SI: variants seen among roughly 807,000 people sequenced by gnomAD.
The protein encoded by SI is sucrase-isomaltase, intestinal.
A neutral mutation model predicts 253.3 loss-of-function variants in SI; 235 were observed. That is an observed-to-expected ratio of 0.93 (90% CI 0.83 to 1.03). SI has a LOEUF of 1.03. Among genes scored for constraint, SI ranks in the 50% least tolerant of loss-of-function variants. The probability of loss-of-function intolerance (pLI) is 0.00; values close to 1 mark genes in which losing one functional copy is unlikely to be tolerated. For synonymous variants in SI, 819 were observed against 712.0 expected, an observed-to-expected ratio of 1.15 and a Z score of -2.39; for missense variants, 2,442 against 2,211.1, an observed-to-expected ratio of 1.10 and a Z score of -2.09.
intron 37 of SI, among the ~76,000 whole-genome samples, chr3:165,004,504 C>T (rs909255771): frequency 6.6e-6 from 1 of 152,108 alleles, no homozygotes; most frequent in Non-Finnish European, 1.5e-5. Flanking sequence ...ATGTTTATTG[C>T]AGCACTGTTC....
chr3:165,032,579 C>T lies in SI; in HGVS notation c.2679G>A (p.Ala893=), dbSNP rs751964959. The T allele has an allele frequency of 2.7e-5, 43 of 1,608,914 alleles. No individual in the cohort carries two copies. Among genetic ancestry groups the T allele is most frequent in the African/African-American group, 1.6e-4 (12 of 74,536 alleles). ...LTDSVTEVRV[A]ENNQPMNAHS... ...GAGCGTTCATTGGTTGATTATTTTC[C>T]GCCACTCTAACTTCTGTAACACTGT... is the stretch of plus-strand genomic sequence containing the variant. The change falls in exon 24 of 48, where the codon GCG becomes GCA. Residue 893 remains alanine (A), a synonymous_variant. Transcript: ENST00000264382.
Position 165,017,827 on chromosome 3 carries a change from T to C in SI, c.3567A>G (p.Gly1189=). 6.2e-7 allele frequency: 1 copy of C among 1,613,086 alleles called. No individual in the cohort carries two copies. ...AAAACATATAAAAATCCAAGATCCC[T>C]CCAACTGTACGGTAAGTTAGAGCAG... The part of the protein sequence containing the change: ...PTPALTYRTV[G]GILDFYMFLG... The change falls in exon 30 of 48, where the codon GGA becomes GGG. Residue 1189 remains glycine, a synonymous_variant. Transcript: ENST00000264382.
chr3:165,044,236 T>C (rs967294289), intron 16 of SI, among the ~76,000 whole-genome samples: 1 of 152,038 alleles, frequency 6.6e-6, no homozygotes, highest in East Asian at 1.9e-4. Context: ...ACATTTTGGA[T>C]AGGGGTTACT....
At chr3:165,007,876 A>T (rs753993240) in intron 36 of SI, 35 bp downstream of exon 36, 2 of 1,001,832 alleles carry the variant, frequency 2.0e-6, no homozygotes, top group Non-Finnish European at 3.2e-6. Context: ...TAATAATAAC[A>T]TGATAATATC....
In SI at chr3:165,015,147, G is replaced by A. The variant is rs1274421969; in HGVS notation, c.3975C>T (p.Asn1325=). ...CCTTTGCCCAACAAATGTCATTGGT[G>A]TTTGGCCATTTGACAAAGACATCAT... ...QQNDVFVKWP[N]TNDICWAKVW... is the part of the protein sequence containing the mutation. The change falls in exon 33 of 48, where the codon AAC becomes AAT. Residue 1325 remains asparagine (N), a synonymous_variant. Transcript: ENST00000264382. The A allele has an allele frequency of 1.2e-6, 2 of 1,612,270 alleles. No homozygotes were observed. The highest frequency in any genetic ancestry group is 1.7e-6 in the Non-Finnish European group (2 of 1,178,620).
At chr3:165,067,047 GA>G (rs1177447527) in intron 6 of SI, among the ~76,000 whole-genome samples, 2 of 151,980 alleles carry the variant, frequency 1.3e-5, no homozygotes, top group East Asian at 3.9e-4. Flanking sequence ...ATATAAGGGG[GA>G]AAGACACAAG....
chr3:165,008,586 C>T (rs554839066), intron 35 of SI, among the ~76,000 whole-genome samples: 81 of 152,068 alleles, frequency 5.3e-4, no homozygotes, highest in African/African-American at 1.8e-3. Flanking sequence ...ATACCAATTG[C>T]TACATCTAAT....
chr3:165,013,986 C>T (rs760676571), intron 33 of SI, among the ~76,000 whole-genome samples: 5 of 152,120 alleles, frequency 3.3e-5, no homozygotes, highest in Non-Finnish European at 7.4e-5. Flanking sequence ...CTCAGCCACT[C>T]AAACTGCAAG....
chr3:165,032,461 T>C (rs1712299466), intron 24 of SI, 61 bp downstream of exon 24: 1 of 1,135,018 alleles, frequency 8.8e-7, no homozygotes, highest in Non-Finnish European at 1.3e-6. Context: ...GCCTGAATGG[T>C]TATATAATAT....
At chr3:165,022,314 T>C (rs1711665623) in intron 26 of SI, among the ~76,000 whole-genome samples, 1 of 151,634 alleles carries the variant, frequency 6.6e-6, no homozygotes, top group Non-Finnish European at 1.5e-5. Context: ...TTTTTATCTG[T>C]GGCTTGAAAG....
At chr3:165,048,014 G>GT (rs1713214367) in intron 15 of SI, among the ~76,000 whole-genome samples, 2 of 151,830 alleles carry the variant, frequency 1.3e-5, no homozygotes, top group African/African-American at 4.8e-5. Flanking sequence ...AACATAGCCT[G>GT]TTTTTTCTTT....
Position 165,002,712 on chromosome 3 carries a change from G to A in SI, c.4407-4039C>T, listed in dbSNP as rs922002237. ...TACATTTGTCAAGGTCTTTATACAT[G>A]TAATTAATTATTTAATCTCTAAAAT... On this transcript the variant is annotated intron_variant, in intron 37 of 47. Transcript: ENST00000264382. 2.9e-4 allele frequency among the ~76,000 whole-genome samples: 44 copies of A among 151,646 alleles called. 1 individual carries two copies. The South Asian group carries it at 2.9e-3, about 10-fold the overall frequency.
rs146033814 is a variant in SI, at chr3:165,033,361, T to C, written c.2565+34A>G. ...GAATAACCTAGGCATGAACAAATTA[T>C]GCATTTAAGTATATGTACAAAGAGA... On this transcript the variant is annotated intron_variant, in intron 23 of 47. Coordinates refer to ENST00000264382, the MANE Select transcript of SI (RefSeq NM_001041.4). The C allele has an allele frequency of 3.9e-6, 6 of 1,521,304 alleles. No individual in the cohort carries two copies. In the African/African-American group the frequency reaches 5.5e-5, roughly 14 times the overall value. The allele number at this position is 1,521,304 out of a possible 1,614,324, so 94.2% of individuals were successfully genotyped here. A position where few individuals can be genotyped will look rare whatever the true frequency, so the allele number is the denominator to read the frequency against.
chr3:165,047,821 T>C (rs1713202309), intron 15 of SI, among the ~76,000 whole-genome samples: 1 of 139,898 alleles, frequency 7.1e-6, no homozygotes, highest in Non-Finnish European at 1.5e-5. Context: ...AAGGTTGGGA[T>C]AAAACTTACA....
rs906624463 is a variant in SI, at chr3:165,071,406, A to C, written c.256-2211T>G. The stretch of plus-strand genomic sequence containing the variant: ...TTTTCCTTTTGCCTTCATCTGACAC[A>C]GTTAAACTCTAGCAAATAAAGGTAT... On this transcript the variant is annotated intron_variant, in intron 3 of 47. Coordinates refer to ENST00000264382, the MANE Select transcript of SI (RefSeq NM_001041.4). Among the ~76,000 whole-genome samples, 7 of 151,782 alleles carry C rather than the reference A, an allele frequency of 4.6e-5. No homozygotes were observed. The Admixed American group carries it at 4.6e-4, about 10-fold the overall frequency.
chr3:165,051,111 A>G (rs1246946739), intron 13 of SI, among the ~76,000 whole-genome samples: 1 of 152,090 alleles, frequency 6.6e-6, no homozygotes, highest in African/African-American at 2.4e-5. Flanking sequence ...ATAACTAGAC[A>G]TACTTATTTA....
Position 165,046,861 on chromosome 3 carries a change from T to C in SI, c.1867A>G (p.Ser623Gly), listed in dbSNP as rs765337652. Reference protein sequence around the residue: ...EWSITGMLEFSLFGIPLVGAD... With the variant: ...EWSITGMLEFGLFGIPLVGAD... ...CTTACCAAAGGTATTCCAAACAAAC[T>C]GAACTCCAGCATTCCAGTTATAGAC... Residue 623 changes from serine (S) to glycine (G), a missense_variant, in exon 16 of 48, where the codon AGT (serine) becomes GGT (glycine). Ser to Gly is a moderately conservative substitution (Grantham distance 56, BLOSUM62 0). Coordinates refer to ENST00000264382, the MANE Select transcript of SI (RefSeq NM_001041.4). The C allele has an allele frequency of 1.2e-6, 2 of 1,613,106 alleles. No individual in the cohort carries two copies. Among genetic ancestry groups the C allele is most frequent in the South Asian group, 2.2e-5 (2 of 91,006 alleles).
intron 25 of SI, among the ~76,000 whole-genome samples, chr3:165,029,033 A>T (rs1392792764): frequency 6.6e-6 from 1 of 151,546 alleles, no homozygotes; most frequent in Non-Finnish European, 1.5e-5. Flanking sequence ...CATCTGACAA[A>T]GAACGAATAT....
chr3:165,022,590 C>G lies in SI; in HGVS notation c.3099+980G>C, dbSNP rs986124289. 5.5e-5 allele frequency among the ~76,000 whole-genome samples: 8 copies of G among 145,874 alleles called. No homozygotes were observed. The Admixed American group carries it at 5.5e-4, about 10-fold the overall frequency. On this transcript the variant is annotated intron_variant, in intron 26 of 47. Transcript: ENST00000264382. ...ACACACAATCTTCTATGCTTTTGTG[C>G]CATCACACATACACACACACACACA...
Sources: gnomAD v4.1 joint callset for allele counts (sites outside exome capture counted in the v4.1 genomes callset) on GRCh38, gnomAD v4.1.1 for gene constraint, MANE v1.5 for transcripts, NCBI Gene and HGNC (gene_info 2026-07-23, HGNC 2026-07-21) for gene names.